JMY: variants seen among roughly 807,000 people sequenced by gnomAD.
The protein encoded by JMY is junction-mediating and -regulatory protein.
Under a neutral mutation model 103.3 loss-of-function variants are expected in JMY, and 46 were observed. The ratio of observed to expected loss-of-function variants is 0.45; its 90% CI spans 0.35 to 0.57. JMY has a LOEUF of 0.57. Among genes scored for constraint, JMY ranks in the 20% least tolerant of loss-of-function variants. The pLI is 0.00. For synonymous variants in JMY, 526 were observed against 489.3 expected, an observed-to-expected ratio of 1.07 and a Z score of -0.99; for missense variants, 1,238 against 1,255.2, an observed-to-expected ratio of 0.99 and a Z score of 0.21.
Position 79,237,092 on chromosome 5 carries a change from C to T in JMY, c.442C>T (p.Pro148Ser), listed in dbSNP as rs1257871561. 3 of 1,547,694 alleles carry T rather than the reference C, an allele frequency of 1.9e-6. No homozygotes were observed. The highest frequency in any genetic ancestry group is 2.6e-6 in the Non-Finnish European group (3 of 1,145,328). Residue 148 changes from proline (P) to serine (S), a missense_variant, in exon 1 of 11, where the codon CCC (proline) becomes TCC (serine). Coordinates refer to ENST00000396137, the MANE Select transcript of JMY (RefSeq NM_152405.5). Reference protein sequence around the residue: ...SRLRSPVRAKPIPGQKTSEAD... With the variant: ...SRLRSPVRAKSIPGQKTSEAD... ...TCTTAGGAGCCCAGTGCGGGCCAAA[C>T]CCATCCCGGGTCAGAAAACATCTGA...
intron 4 of JMY, among the ~76,000 whole-genome samples, chr5:79,293,681 T>C (rs1269823936): frequency 1.3e-5 from 2 of 152,204 alleles, no homozygotes; most frequent in Non-Finnish European, 2.9e-5. Flanking sequence ...TTTTAGTAGG[T>C]TCTCAAATTA....
intron 2 of JMY, among the ~76,000 whole-genome samples, chr5:79,281,367 T>G (rs1323228680): frequency 6.7e-6 from 1 of 150,238 alleles, no homozygotes; most frequent in East Asian, 1.9e-4. Flanking sequence ...TTTTTTTTTT[T>G]TTTTTTTTTT....
intron 2 of JMY, among the ~76,000 whole-genome samples, chr5:79,289,094 G>C (rs1746348898): frequency 2.0e-5 from 3 of 152,028 alleles, no homozygotes; most frequent in African/African-American, 7.2e-5. Context: ...AATTAGCCGA[G>C]TGTGGTGGCG....
intron 1 of JMY, among the ~76,000 whole-genome samples, chr5:79,263,564 T>C (rs944526551): frequency 2.0e-5 from 3 of 152,168 alleles, no homozygotes; most frequent in African/African-American, 7.2e-5. Context: ...TGGCTGATTT[T>C]TCACTTTTTT....
Position 79,300,325 on chromosome 5 carries a change from C to T in JMY, c.1693+7C>T, listed in dbSNP as rs753204381. On this transcript the variant is annotated splice_region_variant and intron_variant, in intron 5 of 10. Transcript: ENST00000396137. ...ATCAAAAGACTTATATCAGGTATGGCGTGCATTTAACCACATAAGTTCACC... is the reference window on the plus strand; with the variant it reads ...ATCAAAAGACTTATATCAGGTATGGTGTGCATTTAACCACATAAGTTCACC... 15 of 1,517,040 alleles carry T rather than the reference C, an allele frequency of 9.9e-6. No homozygotes were observed. Among genetic ancestry groups the T allele is most frequent in the South Asian group, 6.7e-5 (5 of 75,136 alleles). 94.0% of individuals were successfully genotyped at this position (1,517,040 alleles called of 1,614,324 possible).
At chr5:79,292,260 A>G (rs1441803510) in intron 4 of JMY, among the ~76,000 whole-genome samples, 1 of 152,100 alleles carries the variant, frequency 6.6e-6, no homozygotes, top group African/African-American at 2.4e-5. Flanking sequence ...GAGTTGTCTT[A>G]AATTCTAGAA....
chr5:79,312,091 A>G (rs1018921598), intron 7 of JMY, among the ~76,000 whole-genome samples: 5 of 152,162 alleles, frequency 3.3e-5, no homozygotes, highest in Admixed American at 6.5e-5. Flanking sequence ...TGCTAGGATT[A>G]TAGGTGTGAG....
intron 1 of JMY, among the ~76,000 whole-genome samples, chr5:79,246,025 T>C (rs894207039): frequency 1.3e-5 from 2 of 152,224 alleles, no homozygotes; most frequent in East Asian, 3.8e-4. Context: ...CTAAATTCAC[T>C]TTGAAGTACA....
At chr5:79,320,403 C>T (rs138885975) in intron 10 of JMY, among the ~76,000 whole-genome samples, 8 of 151,610 alleles carry the variant, frequency 5.3e-5, no homozygotes, top group African/African-American at 1.2e-4. Flanking sequence ...GCAGTGGCGC[C>T]GTATTTGGCT....
At chr5:79,290,922 T>C (rs983675183) in intron 3 of JMY, among the ~76,000 whole-genome samples, 6 of 151,952 alleles carry the variant, frequency 3.9e-5, no homozygotes, top group Non-Finnish European at 8.8e-5. Context: ...GAGGCGGAGG[T>C]TGCAGTGAGC....
intron 1 of JMY, among the ~76,000 whole-genome samples, chr5:79,254,219 A>C (rs1383729744): frequency 1.3e-5 from 2 of 151,948 alleles, no homozygotes; most frequent in African/African-American, 4.8e-5. Flanking sequence ...AGCCTTCCAA[A>C]GTGCTGGGAT....
rs201864465 is a variant in JMY, at chr5:79,314,650, C to A, written c.2458C>A (p.Pro820Thr). Reference sequence around the variant, plus strand: ...ACCACCTCCCCCACCTCCTCCCCCTCCCCCACCACCACCACCTCTGCCTGT... The same window carrying A: ...ACCACCTCCCCCACCTCCTCCCCCTACCCCACCACCACCACCTCTGCCTGT... ...TPPPPPPPPP[P>T]PPPPPLPVAK... The change falls in exon 9 of 11, where the codon CCC becomes ACC. Residue 820 changes from proline to threonine, a missense_variant. Coordinates refer to ENST00000396137, the MANE Select transcript of JMY (RefSeq NM_152405.5). 1.7e-4 allele frequency: 274 copies of A among 1,584,022 alleles called. No individual in the cohort carries two copies. Among genetic ancestry groups the A allele is most frequent in the Non-Finnish European group, 2.3e-4 (266 of 1,161,970 alleles).
At chr5:79,259,299 G>C (rs556601824) in intron 1 of JMY, among the ~76,000 whole-genome samples, 1 of 152,328 alleles carries the variant, frequency 6.6e-6, no homozygotes, top group East Asian at 1.9e-4. Flanking sequence ...CTCTGCAGCT[G>C]CTCTCCCATC....
At chr5:79,309,316 C>A (rs1271973320) in intron 7 of JMY, among the ~76,000 whole-genome samples, 1 of 151,988 alleles carries the variant, frequency 6.6e-6, no homozygotes, top group East Asian at 1.9e-4. Context: ...AGAGGAAGTT[C>A]CCCCTCTATT....
At position 79,306,442 on chromosome 5, in the gene JMY, C is replaced by T. The variant is rs752771396; in HGVS notation, c.1949C>T (p.Thr650Ile). 6.2e-7 allele frequency: 1 copy of T among 1,611,874 alleles called. No individual in the cohort carries two copies. The highest frequency in any genetic ancestry group is 8.5e-7 in the Non-Finnish European group (1 of 1,178,316). Reference protein sequence around the residue: ...QRTRIEDEYRTHHTVQLKREK... With the variant: ...QRTRIEDEYRIHHTVQLKREK... ...ACTCGGATTGAAGATGAATATAGAA[C>T]CCATCACACAGTACAACTAGTAAGT... The change falls in exon 7 of 11, where the codon ACC becomes ATC. Residue 650 changes from threonine to isoleucine, a missense_variant. Thr to Ile is a moderately conservative substitution (Grantham distance 89). Transcript: ENST00000396137.
At chr5:79,312,879 T>A (rs1490828532) in intron 8 of JMY, among the ~76,000 whole-genome samples, 1 of 152,184 alleles carries the variant, frequency 6.6e-6, no homozygotes, top group East Asian at 1.9e-4. Flanking sequence ...AAATGACCAT[T>A]GGCAGAATTA....
intron 1 of JMY, among the ~76,000 whole-genome samples, chr5:79,238,123 C>T (rs533695593): frequency 2.0e-5 from 3 of 152,266 alleles, no homozygotes; most frequent in African/African-American, 7.2e-5. Flanking sequence ...TTTGATTCTT[C>T]TTTGTGCAGT....
chr5:79,264,381 C>T (rs1236753643), intron 1 of JMY, among the ~76,000 whole-genome samples: 3 of 151,860 alleles, frequency 2.0e-5, no homozygotes, highest in East Asian at 3.9e-4. Context: ...GCCACTTCAC[C>T]TGGCCATAAT....
chr5:79,264,092 G>GT (rs372374914), intron 1 of JMY, among the ~76,000 whole-genome samples: 37 of 150,410 alleles, frequency 2.5e-4, no homozygotes, highest in African/African-American at 4.9e-4. Flanking sequence ...TGGCCTTTTT[G>GT]TTTTTTTTTA....
Sources: gnomAD v4.1 joint callset for allele counts (sites outside exome capture counted in the v4.1 genomes callset) on GRCh38, gnomAD v4.1.1 for gene constraint, MANE v1.5 for transcripts, NCBI Gene and HGNC (gene_info 2026-07-23, HGNC 2026-07-21) for gene names.